The following DOCK11 variants were observed in gnomAD, a reference collection of about 807,000 sequenced individuals.
DOCK11 encodes the protein dedicator of cytokinesis 11, also known as dedicator of cytokinesis protein 11.
DOCK11 carries 70 observed loss-of-function variants against 169.1 expected under a neutral mutation model. That is an observed-to-expected ratio of 0.41 (90% CI 0.34 to 0.51). The LOEUF is 0.51. Among genes scored for constraint, DOCK11 ranks in the 20% least tolerant of loss-of-function variants. DOCK11 has a pLI of 0.10. For missense variants in DOCK11, 1,166 were observed against 1,538.8 expected (o/e 0.76, Z 4.05); for synonymous variants, 529 against 541.3 (o/e 0.98, Z 0.32).
chrX:118,660,947 C>T (rs1312095878), intron 44 of DOCK11, among the ~76,000 whole-genome samples: 25 of 110,369 alleles, frequency 2.3e-4, no homozygotes, highest in Non-Finnish European at 4.7e-4. Context: ...GTGGCTCACG[C>T]CTATAATCTC....
intron 40 of DOCK11, among the ~76,000 whole-genome samples, chrX:118,647,828 TATA>T (rs1477449551): frequency 3.8e-5 from 2 of 52,609 alleles, no homozygotes; most frequent in Non-Finnish European, 6.0e-5. Context: ...ATTATTATAA[TATA>T]ATATTTAATA....
At chrX:118,638,180 G>A in intron 37 of DOCK11, 53 bp downstream of exon 37, 1 of 1,107,147 alleles carries the variant, frequency 9.0e-7, no homozygotes, top group East Asian at 3.0e-5. Context: ...CCAACAGAGG[G>A]CAATCTTAGT....
In DOCK11 at chrX:118,648,970, G is replaced by A; in HGVS notation, c.4424G>A (p.Arg1475Lys). The A allele has an allele frequency of 1.7e-6, 2 of 1,186,583 alleles. No individual in the cohort carries two copies. The highest frequency in any genetic ancestry group is 1.9e-5 in the South Asian group (1 of 52,410). The change falls in exon 41 of 53, where the codon AGA (arginine) becomes AAA (lysine). Residue 1475 changes from arginine to lysine, a missense_variant. Arg to Lys is a conservative substitution (Grantham distance 26). Coordinates refer to ENST00000276202, the MANE Select transcript of DOCK11 (RefSeq NM_144658.4). ...TTTCCTTCAGCATTTTTCAAAGGAA[G>A]AGTAAACATGTGTGCTGCATTTTGC... ...SKFPSAFFKGRVNMCAAFCYE... is the reference protein window; with the variant it reads ...SKFPSAFFKGKVNMCAAFCYE...
chrX:118,587,242 A>G (rs2013843921), intron 16 of DOCK11, among the ~76,000 whole-genome samples: 1 of 111,900 alleles, frequency 8.9e-6, no homozygotes, highest in Non-Finnish European at 1.9e-5. Flanking sequence ...AAATCAGGAT[A>G]AAGTTCTATA....
chrX:118,577,015 T>A (rs1193018068), intron 12 of DOCK11, among the ~76,000 whole-genome samples: 1 of 112,618 alleles, frequency 8.9e-6, no homozygotes, highest in Admixed American at 9.4e-5. Flanking sequence ...ATGGGCTGTG[T>A]AATCTGGAAG....
chrX:118,652,184 G>T, intron 42 of DOCK11, 107 bp downstream of exon 42: 1 of 491,211 alleles, frequency 2.0e-6, no homozygotes, highest in Non-Finnish European at 3.4e-6. Context: ...TAGAATGTAC[G>T]GAATGTGAGT....
chrX:118,519,392 A>G (rs775120389), intron 1 of DOCK11, among the ~76,000 whole-genome samples: 35 of 111,921 alleles, frequency 3.1e-4, no homozygotes, highest in Non-Finnish European at 5.6e-4. Flanking sequence ...TACTAAAAAT[A>G]CAAAAAAATT....
At chrX:118,573,722 C>T (rs1218609988) in intron 11 of DOCK11, 84 bp from the exon 12 acceptor site, 1 of 780,478 alleles carries the variant, frequency 1.3e-6, no homozygotes, top group African/African-American at 2.1e-5. Context: ...TGGAGGAATA[C>T]AAAACTTATT....
At chrX:118,600,921 G>A (rs999942041) in intron 23 of DOCK11, among the ~76,000 whole-genome samples, 2 of 111,046 alleles carry the variant, frequency 1.8e-5, no homozygotes, top group Admixed American at 9.6e-5. Flanking sequence ...GGAGCTTGTC[G>A]AGTAAGGCTT....
At chrX:118,552,101 G>A (rs1277021761) in intron 6 of DOCK11, among the ~76,000 whole-genome samples, 1 of 110,279 alleles carries the variant, frequency 9.1e-6, no homozygotes, top group Non-Finnish European at 1.9e-5. Flanking sequence ...ATCACATCGT[G>A]AGAGAAAGTG....
At chrX:118,558,438 A>G (rs2012796458) in intron 6 of DOCK11, among the ~76,000 whole-genome samples, 2 of 112,129 alleles carry the variant, frequency 1.8e-5, no homozygotes, top group Admixed American at 9.5e-5. Flanking sequence ...ATTATTCTGT[A>G]TAGTCGTTAT....
At chrX:118,631,539 G>C (rs141649866) in intron 35 of DOCK11, among the ~76,000 whole-genome samples, 4,023 of 111,768 alleles carry the variant, frequency 0.036, 162 homozygotes, top group African/African-American at 0.12. Flanking sequence ...TAAAACTGTG[G>C]TGAAGGTTTC....
chrX:118,685,313 A>G (rs12846930), intron 52 of DOCK11, among the ~76,000 whole-genome samples: 16,404 of 111,692 alleles, frequency 0.15, 1,001 homozygotes, highest in Admixed American at 0.26. Context: ...CCCATAGATG[A>G]TTCTGAGAAC....
chrX:118,650,902 A>AT (rs1226043085), intron 41 of DOCK11, among the ~76,000 whole-genome samples: 2 of 112,081 alleles, frequency 1.8e-5, no homozygotes, highest in Non-Finnish European at 3.8e-5. Context: ...CAAAGTAGGG[A>AT]TTTTTATCAT....
At chrX:118,637,140 AT>A (rs535002565) in intron 36 of DOCK11, among the ~76,000 whole-genome samples, 9 of 111,051 alleles carry the variant, frequency 8.1e-5, no homozygotes, top group Non-Finnish European at 1.3e-4. Context: ...AGCAGTTAAG[AT>A]TTTTTTTTAA....
chrX:118,632,969 T>TGGGGGGGGGGGGGGAGGGG (rs766019635), intron 35 of DOCK11: 1 of 35,830 alleles, frequency 2.8e-5, no homozygotes, highest in Non-Finnish European at 4.5e-5. Flanking sequence ...TGGGGGGCGG[T>TGGGGGGGGGGGGGGAGGGG]GGGGGGGGGG....
At chrX:118,554,979 A>C (rs1290776284) in intron 6 of DOCK11, among the ~76,000 whole-genome samples, 2 of 111,801 alleles carry the variant, frequency 1.8e-5, no homozygotes, top group Non-Finnish European at 3.8e-5. Flanking sequence ...TTGTTATTTT[A>C]TATTATTAGG....
Position 118,561,425 on chromosome X carries a change from G to A in DOCK11, c.601G>A (p.Gly201Ser), listed in dbSNP as rs781174895. ...RYFYLTQLPDGSYILNSYKDE... is the reference protein window; with the variant it reads ...RYFYLTQLPDSSYILNSYKDE... ...TTTTTACTTGACCCAACTTCCTGAC[G>A]GTTCATATATTCTCAATTCCTATAA... is the stretch of plus-strand genomic sequence containing the variant. The change falls in exon 7 of 53, where the codon GGT becomes AGT. Residue 201 changes from glycine (G) to serine (S), a missense_variant. Transcript: ENST00000276202. The A allele has an allele frequency of 4.2e-6, 5 of 1,202,843 alleles. No individual in the cohort carries two copies. The highest frequency in any genetic ancestry group is 5.6e-6 in the Non-Finnish European group (5 of 891,458).
At chrX:118,542,630 C>A in intron 1 of DOCK11, 95 bp from the exon 2 acceptor site, 1 of 592,808 alleles carries the variant, frequency 1.7e-6, no homozygotes, top group Non-Finnish European at 2.7e-6. Context: ...ATCAGTAATC[C>A]CTTCCTTTGA....
Sources: gnomAD v4.1 joint callset for allele counts (sites outside exome capture counted in the v4.1 genomes callset) on GRCh38, gnomAD v4.1.1 for gene constraint, MANE v1.5 for transcripts, NCBI Gene and HGNC (gene_info 2026-07-23, HGNC 2026-07-21) for gene names.